CSRNP3: variants seen among roughly 807,000 people sequenced by gnomAD.
The protein encoded by CSRNP3 is cysteine and serine rich nuclear protein 3.
Under a neutral mutation model 48.0 loss-of-function variants are expected in CSRNP3, and 12 were observed. The observed-to-expected ratio is 0.25, with a 90% CI of 0.16 to 0.41. The LOEUF is 0.41. Among genes scored for constraint, CSRNP3 ranks in the 10% least tolerant of loss-of-function variants. The probability of loss-of-function intolerance (pLI) is 1.00; values close to 1 mark genes in which losing one functional copy is unlikely to be tolerated. For missense variants in CSRNP3, 580 were observed against 724.4 expected, an observed-to-expected ratio of 0.80 and a Z score of 2.29; for synonymous variants, 263 against 269.7, an observed-to-expected ratio of 0.98 and a Z score of 0.24.
chr2:165,670,067 C>G (rs1687303711), intron 5 of CSRNP3, among the ~76,000 whole-genome samples: 1 of 152,078 alleles, frequency 6.6e-6, no homozygotes, highest in Non-Finnish European at 1.5e-5. Flanking sequence ...GGGAGTGATC[C>G]CATGCAAGTT....
At chr2:165,482,326 T>C (rs1012584105) in intron 1 of CSRNP3, among the ~76,000 whole-genome samples, 1 of 151,136 alleles carries the variant, frequency 6.6e-6, no homozygotes, top group Non-Finnish European at 1.5e-5. Flanking sequence ...TGCAGTGGAA[T>C]GATCTTGAAT....
chr2:165,662,535 A>C, intron 5 of CSRNP3, among the ~76,000 whole-genome samples: 1 of 152,240 alleles, frequency 6.6e-6, no homozygotes, highest in East Asian at 1.9e-4. Flanking sequence ...TCATCTTAAT[A>C]CTATACACTT....
At chr2:165,666,575 GAGGA>G (rs1395969057) in intron 5 of CSRNP3, among the ~76,000 whole-genome samples, 1 of 45,466 alleles carries the variant, frequency 2.2e-5, no homozygotes, top group Non-Finnish European at 5.4e-5. Context: ...AAGAGAGAGA[GAGGA>G]AGGAAGGAAG....
chr2:165,504,250 C>G (rs1383117528), intron 2 of CSRNP3, among the ~76,000 whole-genome samples: 1 of 151,948 alleles, frequency 6.6e-6, no homozygotes, highest in Non-Finnish European at 1.5e-5. Context: ...CTACCAATAA[C>G]CCTCTTGCGT....
In CSRNP3 at chr2:165,682,983, A is replaced by T. The variant is rs1687572308; in HGVS notation, c.*3230A>T. The T allele has an allele frequency of 6.6e-6, 1 of 152,112 alleles. No homozygotes were observed. Among genetic ancestry groups the T allele is most frequent in the Non-Finnish European group, 1.5e-5 (1 of 68,006 alleles). 9.4% of individuals were successfully genotyped at this position (152,112 alleles called of 1,614,324 possible). A position where few individuals can be genotyped will look rare whatever the true frequency, so the allele number is the denominator to read the frequency against. On this transcript the variant is annotated 3_prime_UTR_variant, in exon 7 of 7. Coordinates refer to ENST00000651982, the MANE Select transcript of CSRNP3 (RefSeq NM_001172173.2). Reference sequence around the variant, plus strand: ...ATGCTCCAGCCCTGGCTATTCTAGTACCAGTCCTATACCTTTAAATGGGAC... The same window carrying T: ...ATGCTCCAGCCCTGGCTATTCTAGTTCCAGTCCTATACCTTTAAATGGGAC...
At chr2:165,654,774 C>T (rs1446718874) in intron 4 of CSRNP3, among the ~76,000 whole-genome samples, 1 of 152,118 alleles carries the variant, frequency 6.6e-6, no homozygotes, top group Non-Finnish European at 1.5e-5. Context: ...GGATTGCAGG[C>T]GTGAGCCACC....
intron 5 of CSRNP3, among the ~76,000 whole-genome samples, chr2:165,673,288 C>A (rs1332248586): frequency 6.6e-6 from 1 of 151,690 alleles, no homozygotes; most frequent in Non-Finnish European, 1.5e-5. Flanking sequence ...CAGGTGTACC[C>A]CTCCATGCCT....
chr2:165,640,009 T>G (rs542158914), intron 4 of CSRNP3, among the ~76,000 whole-genome samples: 2 of 152,300 alleles, frequency 1.3e-5, no homozygotes, highest in African/African-American at 4.8e-5. Flanking sequence ...ACATTTAAAG[T>G]ACAGAACAGA....
At chr2:165,632,142 T>C (rs1393285735) in intron 4 of CSRNP3, among the ~76,000 whole-genome samples, 1 of 152,234 alleles carries the variant, frequency 6.6e-6, no homozygotes, top group East Asian at 1.9e-4. Context: ...GCTTAGAATA[T>C]AGCATAGGTA....
Position 165,679,440 on chromosome 2 carries a change from G to C in CSRNP3, c.1445G>C (p.Arg482Pro), listed in dbSNP as rs373694116. The C allele has an allele frequency of 4.3e-6, 7 of 1,612,828 alleles. No individual in the cohort carries two copies. Among genetic ancestry groups the C allele is most frequent in the Admixed American group, 3.3e-5 (2 of 59,890 alleles). Residue 482 changes from arginine (R) to proline (P), a missense_variant, in exon 7 of 7, where the codon CGA becomes CCA. Arg to Pro is a moderately radical substitution (Grantham distance 103). Transcript: ENST00000651982. Reference sequence around the variant, plus strand: ...CCGGAGCAATTCGTTGACTATGCCCGACAAGCAGAAGAGGCCTATGGTGCC... The same window carrying C: ...CCGGAGCAATTCGTTGACTATGCCCCACAAGCAGAAGAGGCCTATGGTGCC... ...MTPEQFVDYARQAEEAYGASH... is the reference protein window; with the variant it reads ...MTPEQFVDYAPQAEEAYGASH...
intron 3 of CSRNP3, among the ~76,000 whole-genome samples, chr2:165,520,404 C>T (rs201839920): frequency 6.6e-6 from 1 of 152,112 alleles, no homozygotes; most frequent in Non-Finnish European, 1.5e-5. Flanking sequence ...CTTGACTTTA[C>T]TGGCTGGAGT....
chr2:165,521,787 T>C (rs1005359907), intron 3 of CSRNP3, among the ~76,000 whole-genome samples: 4 of 152,198 alleles, frequency 2.6e-5, no homozygotes, highest in African/African-American at 9.7e-5. Context: ...GCAGCATTTC[T>C]GGTACTAGAT....
intron 4 of CSRNP3, 103 bp downstream of exon 4, chr2:165,595,316 C>A: frequency 8.8e-7 from 1 of 1,132,264 alleles, no homozygotes; most frequent in South Asian, 1.8e-5. Context: ...TATATTTTCC[C>A]ATCAACCAAA....
In CSRNP3 at chr2:165,679,785, C is replaced by G. The variant is rs374865921; in HGVS notation, c.*32C>G. 215 of 1,584,696 alleles carry G rather than the reference C, an allele frequency of 1.4e-4. No homozygotes were observed. Among genetic ancestry groups the G allele is most frequent in the Non-Finnish European group, 1.8e-4 (207 of 1,164,304 alleles). ...AAATTATTCTAGGACCAACTCTTCT[C>G]TTATTTAAGGCACTGTATTTAATTG... is the stretch of plus-strand genomic sequence containing the variant. On this transcript the variant is annotated 3_prime_UTR_variant, in exon 7 of 7. Transcript: ENST00000651982.
At chr2:165,511,496 G>A (rs1684505318) in intron 2 of CSRNP3, among the ~76,000 whole-genome samples, 1 of 152,068 alleles carries the variant, frequency 6.6e-6, no homozygotes, top group South Asian at 2.1e-4. Context: ...TAAGAGAAGG[G>A]GTTGGCCTTA....
intron 1 of CSRNP3, among the ~76,000 whole-genome samples, chr2:165,477,691 G>T (rs900637732): frequency 7.1e-6 from 1 of 141,734 alleles, no homozygotes; most frequent in Admixed American, 7.1e-5. Flanking sequence ...ATTGTAGGCC[G>T]GTAGGCCAGG....
At chr2:165,607,496 C>G (rs1686051395) in intron 4 of CSRNP3, among the ~76,000 whole-genome samples, 1 of 152,074 alleles carries the variant, frequency 6.6e-6, no homozygotes, top group Non-Finnish European at 1.5e-5. Flanking sequence ...AGCTCCAGTC[C>G]CCACAGTGAC....
At chr2:165,483,106 A>G (rs775926691) in intron 1 of CSRNP3, among the ~76,000 whole-genome samples, 6 of 151,042 alleles carry the variant, frequency 4.0e-5, no homozygotes, top group Non-Finnish European at 8.8e-5. Flanking sequence ...AAAATATATA[A>G]TACAGTTGTG....
Position 165,676,302 on chromosome 2 carries a change from G to C in CSRNP3, c.409-10G>C, listed in dbSNP as rs756526915. 4.3e-6 allele frequency: 7 copies of C among 1,609,340 alleles called. No homozygotes were observed. In the South Asian group the frequency reaches 7.7e-5, roughly 18 times the overall value. ...TAATGAGTCTCTTATTTGCTGCTTT[G>C]TGTTTTTAGATGACTAAGAATGGCA... is the stretch of plus-strand genomic sequence containing the variant. On this transcript the variant is annotated splice_polypyrimidine_tract_variant and intron_variant, in intron 5 of 6. Coordinates refer to ENST00000651982, the MANE Select transcript of CSRNP3 (RefSeq NM_001172173.2).
Sources: allele counts gnomAD v4.1 joint callset (sites outside exome capture counted in the v4.1 genomes callset), GRCh38; gene constraint gnomAD v4.1.1; transcripts MANE v1.5; gene names NCBI Gene and HGNC (gene_info 2026-07-23, HGNC 2026-07-21).